DLG2: variants seen among roughly 807,000 people sequenced by gnomAD.
The protein encoded by DLG2 is disks large homolog 2.
A neutral mutation model predicts 132.5 loss-of-function variants in DLG2; 45 were observed. The observed-to-expected ratio is 0.34, with a 90% CI of 0.27 to 0.44. The LOEUF is 0.44. Ranked by LOEUF, DLG2 falls within the 20% of genes least tolerant of loss-of-function variation. The pLI is 1.00. For missense variants in DLG2, 1,045 were observed against 1,196.9 expected (o/e 0.87, Z 1.87); for synonymous variants, 424 against 419.6 (o/e 1.01, Z -0.13).
intron 7 of DLG2, among the ~76,000 whole-genome samples, chr11:84,368,576 G>T (rs752203225): frequency 2.0e-5 from 3 of 152,040 alleles, no homozygotes; most frequent in Non-Finnish European, 2.9e-5. Flanking sequence ...GTTAACATGT[G>T]GTCTAAGTTA....
chr11:85,378,037 G>C (rs1424462495), intron 3 of DLG2, among the ~76,000 whole-genome samples: 1 of 151,624 alleles, frequency 6.6e-6, no homozygotes, highest in Non-Finnish European at 1.5e-5. Context: ...TTTCTTCATG[G>C]GACAACATTT....
intron 21 of DLG2, among the ~76,000 whole-genome samples, chr11:83,521,574 G>T (rs928886873): frequency 6.6e-6 from 1 of 152,122 alleles, no homozygotes; most frequent in African/African-American, 2.4e-5. Context: ...CCTGCTAGAG[G>T]ATAGATTTAA....
chr11:85,497,858 C>A (rs911495398), intron 3 of DLG2, among the ~76,000 whole-genome samples: 1 of 152,268 alleles, frequency 6.6e-6, no homozygotes, highest in Non-Finnish European at 1.5e-5. Context: ...GAAATAAAAT[C>A]TTTTACAGAC....
At chr11:84,533,776 G>A (rs1001653506) in intron 7 of DLG2, among the ~76,000 whole-genome samples, 13 of 151,802 alleles carry the variant, frequency 8.6e-5, no homozygotes, top group Middle Eastern at 3.2e-3. Context: ...GAGTTAATTG[G>A]TAGGTGCTTT....
chr11:85,027,478 A>G (rs1267685310), intron 6 of DLG2, among the ~76,000 whole-genome samples: 1 of 151,924 alleles, frequency 6.6e-6, no homozygotes, highest in Non-Finnish European at 1.5e-5. Flanking sequence ...GGCTCGTTCC[A>G]CCCACTTGGC....
intron 19 of DLG2, among the ~76,000 whole-genome samples, chr11:83,614,914 A>T (rs1388325642): frequency 6.6e-6 from 1 of 152,244 alleles, no homozygotes; most frequent in African/African-American, 2.4e-5. Flanking sequence ...ATGGCATAGC[A>T]CAGCTGATTT....
intron 6 of DLG2, among the ~76,000 whole-genome samples, chr11:84,634,477 G>T (rs1386328753): frequency 1.3e-5 from 2 of 152,248 alleles, no homozygotes; most frequent in East Asian, 3.9e-4. Context: ...GTCACAGGCG[G>T]ACAACTATTC....
At chr11:85,197,378 CTT>C (rs1235673365) in intron 4 of DLG2, among the ~76,000 whole-genome samples, 1 of 151,972 alleles carries the variant, frequency 6.6e-6, no homozygotes, top group Admixed American at 6.6e-5. Context: ...ATACAGAAAA[CTT>C]TGCATAAAAT....
At chr11:84,111,473 A>G (rs865839897) in intron 9 of DLG2, among the ~76,000 whole-genome samples, 1 of 152,288 alleles carries the variant, frequency 6.6e-6, no homozygotes, top group African/African-American at 2.4e-5. Context: ...TTGCAATTGT[A>G]TTTCTCTCTC....
At chr11:85,478,341 TGTAA>T (rs2093202065) in intron 3 of DLG2, among the ~76,000 whole-genome samples, 1 of 151,836 alleles carries the variant, frequency 6.6e-6, no homozygotes, top group African/African-American at 2.4e-5. Flanking sequence ...TTCAATAGAG[TGTAA>T]TTATTCTAAT....
Position 83,630,340 on chromosome 11 carries a change from C to CGT in DLG2, c.1940+2869_1940+2870dup, listed in dbSNP as rs145116481. Among the ~76,000 whole-genome samples, 107 of 150,870 alleles carry CGT rather than the reference C, an allele frequency of 7.1e-4. 3 individuals are homozygous for CGT. Among genetic ancestry groups the CGT allele is most frequent in the African/African-American group, 2.1e-3 (85 of 40,774 alleles). On this transcript the variant is annotated intron_variant, in intron 19 of 27. Coordinates refer to ENST00000376104, the MANE Select transcript of DLG2 (RefSeq NM_001142699.3). ...AGTTGGGAGCATGCTTGTGAGCATG[C>CGT]GTGTGTGTGTGTGTAGGGTATGGGA...
chr11:84,001,416 T>C (rs1303563914), intron 11 of DLG2, among the ~76,000 whole-genome samples: 1 of 151,682 alleles, frequency 6.6e-6, no homozygotes, highest in Non-Finnish European at 1.5e-5. Context: ...ATGCTAAATA[T>C]ACATGCACCC....
intron 19 of DLG2, among the ~76,000 whole-genome samples, chr11:83,572,583 A>C (rs2096815047): frequency 6.6e-6 from 1 of 152,168 alleles, no homozygotes; most frequent in Non-Finnish European, 1.5e-5. Flanking sequence ...GAATCCCAGA[A>C]AGCTACATGC....
chr11:85,481,165 T>C (rs1334079461), intron 3 of DLG2, among the ~76,000 whole-genome samples: 1 of 152,212 alleles, frequency 6.6e-6, no homozygotes, highest in Non-Finnish European at 1.5e-5. Flanking sequence ...TCAGTTTCCT[T>C]CTGGAAAGGT....
At chr11:83,526,167 G>C (rs544392707) in intron 21 of DLG2, among the ~76,000 whole-genome samples, 1 of 152,256 alleles carries the variant, frequency 6.6e-6, no homozygotes, top group Non-Finnish European at 1.5e-5. Flanking sequence ...GGAGCGTAAG[G>C]CTTTGGAAAA....
At chr11:84,420,924 T>G (rs2098948560) in intron 7 of DLG2, among the ~76,000 whole-genome samples, 1 of 152,100 alleles carries the variant, frequency 6.6e-6, no homozygotes, top group African/African-American at 2.4e-5. Flanking sequence ...CGCCTCGGCC[T>G]CCCAAAGTGC....
chr11:85,388,503 C>T (rs776101682), intron 3 of DLG2, among the ~76,000 whole-genome samples: 20 of 152,234 alleles, frequency 1.3e-4, no homozygotes, highest in African/African-American at 4.6e-4. Flanking sequence ...AGCTGATATG[C>T]TCTTGAAAGC....
chr11:83,966,465 T>C (rs1281558473), intron 12 of DLG2, among the ~76,000 whole-genome samples: 1 of 152,032 alleles, frequency 6.6e-6, no homozygotes, highest in Non-Finnish European at 1.5e-5. Flanking sequence ...ACTGACTTCA[T>C]GGCAGTGGCA....
intron 6 of DLG2, among the ~76,000 whole-genome samples, chr11:84,558,008 T>C (rs896056892): frequency 6.6e-6 from 1 of 152,168 alleles, no homozygotes; most frequent in Non-Finnish European, 1.5e-5. Flanking sequence ...AAAACACTTA[T>C]AACGTGACTA....
Sources: gnomAD v4.1 joint callset for allele counts (sites outside exome capture counted in the v4.1 genomes callset) on GRCh38, gnomAD v4.1.1 for gene constraint, MANE v1.5 for transcripts, NCBI Gene and HGNC (gene_info 2026-07-23, HGNC 2026-07-21) for gene names.